Variants in TNKS2 observed in about 807,000 individuals in gnomAD.
TNKS2 encodes the protein tankyrase 2, also known as poly [ADP-ribose] polymerase tankyrase-2.
In TNKS2, 72 loss-of-function variants were observed where a neutral mutation model predicts 137.6. The observed-to-expected ratio is 0.52, with a 90% confidence interval of 0.43 to 0.64. TNKS2 has a LOEUF of 0.64. Ranked by LOEUF, TNKS2 falls within the 30% of genes least tolerant of loss-of-function variation. TNKS2 has a pLI of 0.00. For missense variants in TNKS2, 1,049 were observed against 1,410.2 expected (o/e 0.74, Z 4.10); for synonymous variants, 516 against 512.1 (o/e 1.01, Z -0.10).
At chr10:91,823,325 T>G (rs1286230814) in intron 7 of TNKS2, among the ~76,000 whole-genome samples, 2 of 15,836 alleles carry the variant, frequency 1.3e-4, no homozygotes, top group Non-Finnish European at 8.7e-5. Context: ...TTTTGGTTTT[T>G]TTTTTTTTTT....
intron 2 of TNKS2, 87 bp from the exon 3 acceptor site, chr10:91,817,047 T>A: frequency 1.2e-6 from 1 of 865,758 alleles, no homozygotes; most frequent in Non-Finnish European, 1.9e-6. Flanking sequence ...GAGACTTTGC[T>A]GGACCAGACT....
rs757217116 is a variant in TNKS2 at position 91,827,200 on chromosome 10, G to A, written c.979G>A (p.Ala327Thr). 5.3e-5 allele frequency: 81 copies of A among 1,531,480 alleles called. 1 individual carries two copies. The highest frequency in any genetic ancestry group is 2.7e-4 in the South Asian group (21 of 77,814). 94.9% of individuals were successfully genotyped at this position (1,531,480 alleles called of 1,614,324 possible). A position where few individuals can be genotyped will look rare whatever the true frequency, so the allele number is the denominator to read the frequency against. Residue 327 changes from alanine (A) to threonine (T), a missense_variant, in exon 8 of 27, where the codon GCA becomes ACA. Around this residue, in one of 6 missense-constraint regions of TNKS2, gnomAD observed 374 missense variants for 460.8 expected, o/e 0.81. Coordinates refer to ENST00000371627, the MANE Select transcript of TNKS2 (RefSeq NM_025235.4). ...CACACCACAGTTAAAAGAAAGATTA[G>A]CATGTGAGTATAAAATTATGAATGT... ...APTPQLKERL[A>T]YEFKGHSLLQ... is the part of the protein sequence containing the mutation.
chr10:91,841,559 A>C, intron 15 of TNKS2, 111 bp downstream of exon 15: 1 of 716,526 alleles, frequency 1.4e-6, no homozygotes, highest in Admixed American at 3.4e-5. Context: ...AAGCAATGTT[A>C]CCTAATTCTG....
chr10:91,837,632 G>A (rs563087694), intron 13 of TNKS2, among the ~76,000 whole-genome samples: 1 of 152,282 alleles, frequency 6.6e-6, no homozygotes, highest in Non-Finnish European at 1.5e-5. Context: ...GGCTGAGGCG[G>A]GTGGATCACC....
Position 91,849,528 on chromosome 10 carries a change from T to C in TNKS2, c.2628T>C (p.Phe876=), listed in dbSNP as rs756720500. The part of the protein sequence containing the change: ...LEKKEVPGVD[F]SITQFVRNLG... ...ATTTCCCAGTTCCAGGAGTAGATTT[T>C]AGCATAACTCAATTCGTAAGGAATC... The change falls in exon 20 of 27, where the codon TTT becomes TTC. Residue 876 remains phenylalanine (F), a synonymous_variant. Coordinates refer to ENST00000371627, the MANE Select transcript of TNKS2 (RefSeq NM_025235.4). 32 of 1,611,448 alleles carry C rather than the reference T, an allele frequency of 2.0e-5. No individual in the cohort carries two copies. Among genetic ancestry groups the C allele is most frequent in the Non-Finnish European group, 2.5e-5 (30 of 1,179,218 alleles).
Position 91,845,021 on chromosome 10 carries a change from C to G in TNKS2, c.2162C>G (p.Ser721Cys). 1 of 1,607,052 alleles carries G rather than the reference C, an allele frequency of 6.2e-7. No homozygotes were observed. Among genetic ancestry groups the G allele is most frequent in the Non-Finnish European group, 8.5e-7 (1 of 1,174,900 alleles). The part of the protein sequence containing the change: ...GGLIPLHNAA[S>C]YGHVDVAALL... Reference sequence around the variant, plus strand: ...CTTATTCCTTTACATAATGCAGCATCTTACGGGGTAAGTTCTTCCGTGTTA... The same window carrying G: ...CTTATTCCTTTACATAATGCAGCATGTTACGGGGTAAGTTCTTCCGTGTTA... Residue 721 changes from serine to cysteine, a missense_variant, in exon 17 of 27, where the codon TCT becomes TGT. Coordinates refer to ENST00000371627, the MANE Select transcript of TNKS2 (RefSeq NM_025235.4).
chr10:91,815,520 A>G (rs954930448), intron 2 of TNKS2, among the ~76,000 whole-genome samples: 4 of 152,150 alleles, frequency 2.6e-5, no homozygotes, highest in African/African-American at 7.2e-5. Flanking sequence ...ATGGTAGCTA[A>G]GGGCTTGCAA....
intron 20 of TNKS2, among the ~76,000 whole-genome samples, chr10:91,850,133 A>T (rs909579136): frequency 6.6e-6 from 1 of 152,106 alleles, no homozygotes. Context: ...TGGGAGGCCG[A>T]GGTGGGTGGA....
intron 13 of TNKS2, among the ~76,000 whole-genome samples, chr10:91,840,054 C>T (rs890371115): frequency 1.3e-5 from 2 of 152,018 alleles, no homozygotes; most frequent in African/African-American, 4.8e-5. Context: ...TAAAGGCATA[C>T]GTGAGACCAG....
intron 20 of TNKS2, 43 bp downstream of exon 20, chr10:91,849,637 A>G: frequency 1.3e-6 from 2 of 1,487,962 alleles, no homozygotes; most frequent in Non-Finnish European, 1.8e-6. Context: ...GTTTTATGGA[A>G]ACTCAAGGAA....
chr10:91,851,849 T>A (rs941060666), intron 21 of TNKS2, among the ~76,000 whole-genome samples: 2 of 152,230 alleles, frequency 1.3e-5, no homozygotes, highest in African/African-American at 4.8e-5. Flanking sequence ...AATATTTTTA[T>A]TTCTCCTTAA....
At chr10:91,849,627 G>A (rs1842485443) in intron 20 of TNKS2, 33 bp downstream of exon 20, 1 of 1,533,970 alleles carries the variant, frequency 6.5e-7, no homozygotes. Flanking sequence ...TTGGATTAGT[G>A]TTTTATGGAA....
At position 91,855,475 on chromosome 10, in the gene TNKS2, T is replaced by C. The variant is rs1211764301; in HGVS notation, c.2914-139T>C. On this transcript the variant is annotated intron_variant, in intron 22 of 26. Transcript: ENST00000371627. The stretch of plus-strand genomic sequence containing the variant: ...AGTGGGGCACCATGCCCAGCCCTCA[T>C]ATTCTTTGAATAACAAAAATATTAA... 5 of 760,014 alleles carry C rather than the reference T, an allele frequency of 6.6e-6. No homozygotes were observed. The Admixed American group carries it at 1.6e-4, about 24-fold the overall frequency. 47.1% of individuals were successfully genotyped at this position (760,014 alleles called of 1,614,324 possible). A position where few individuals can be genotyped will look rare whatever the true frequency, so the allele number is the denominator to read the frequency against.
chr10:91,832,871 C>T (rs1164016120), intron 11 of TNKS2, among the ~76,000 whole-genome samples: 2 of 152,044 alleles, frequency 1.3e-5, no homozygotes, highest in Non-Finnish European at 1.5e-5. Flanking sequence ...AAATACCTGC[C>T]TACCACTTAG....
intron 1 of TNKS2, among the ~76,000 whole-genome samples, chr10:91,802,828 A>G (rs1844212100): frequency 6.6e-6 from 1 of 152,242 alleles, no homozygotes; most frequent in East Asian, 1.9e-4. Context: ...GGTTTTTGCT[A>G]TGGGAGATAA....
intron 1 of TNKS2, among the ~76,000 whole-genome samples, chr10:91,810,701 G>A (rs1433563472): frequency 6.7e-6 from 1 of 150,358 alleles, no homozygotes; most frequent in Non-Finnish European, 1.5e-5. Flanking sequence ...GTAGAGACAG[G>A]GTTTCACCAT....
intron 24 of TNKS2, among the ~76,000 whole-genome samples, chr10:91,858,782 G>C (rs982921202): frequency 6.6e-6 from 1 of 152,240 alleles, no homozygotes; most frequent in African/African-American, 2.4e-5. Flanking sequence ...GCCAAGGTGA[G>C]TGGATCACCT....
intron 26 of TNKS2, among the ~76,000 whole-genome samples, chr10:91,862,518 T>C (rs915896292): frequency 5.3e-5 from 8 of 152,152 alleles, no homozygotes; most frequent in African/African-American, 1.9e-4. Context: ...TTATTCAAAT[T>C]TCGCCAGTCG....
intron 1 of TNKS2, among the ~76,000 whole-genome samples, chr10:91,803,036 C>G (rs866329737): frequency 1.3e-5 from 2 of 152,146 alleles, no homozygotes; most frequent in Non-Finnish European, 2.9e-5. Flanking sequence ...CAGTGTACCC[C>G]CATTCAGATG....
Sources: gnomAD v4.1 joint callset for allele counts (sites outside exome capture counted in the v4.1 genomes callset) on GRCh38, gnomAD v4.1.1 for gene constraint, gnomAD v4.1.1 regional missense constraint, MANE v1.5 for transcripts, NCBI Gene and HGNC (gene_info 2026-07-23, HGNC 2026-07-21) for gene names.